The following SMURF2 variants were observed in gnomAD, a reference collection of about 807,000 sequenced individuals.
SMURF2 encodes SMAD specific E3 ubiquitin protein ligase 2, also known as E3 ubiquitin-protein ligase SMURF2.
In SMURF2, 48 loss-of-function variants were observed where a neutral mutation model predicts 109.6. The ratio of observed to expected loss-of-function variants is 0.44; its 90% CI spans 0.35 to 0.56. The LOEUF is 0.56. SMURF2 is among the 20% of genes least tolerant of loss of function. The pLI is 0.01. For synonymous variants in SMURF2, 288 were observed against 317.1 expected (o/e 0.91, Z 0.97); for missense variants, 575 against 909.0 (o/e 0.63, Z 4.72).
chr17:64,598,327 C>T (rs1201371711), intron 3 of SMURF2, 55 bp downstream of exon 3: 2 of 1,358,608 alleles, frequency 1.5e-6, no homozygotes, highest in Non-Finnish European at 1.0e-6. Flanking sequence ...TTTTCAAAGA[C>T]TATATCAAAT....
chr17:64,613,995 C>T (rs1030666030), intron 1 of SMURF2, among the ~76,000 whole-genome samples: 2 of 151,914 alleles, frequency 1.3e-5, no homozygotes, highest in African/African-American at 4.8e-5. Flanking sequence ...CAACCTAGAT[C>T]CCTCGCATGC....
At chr17:64,589,488 G>A (rs113709643) in intron 5 of SMURF2, among the ~76,000 whole-genome samples, 2 of 107,534 alleles carry the variant, frequency 1.9e-5, no homozygotes, top group African/African-American at 7.1e-5. Flanking sequence ...CCCAGGCCAT[G>A]GATGGGTGGG....
chr17:64,644,620 A>T (rs938026058), intron 1 of SMURF2, among the ~76,000 whole-genome samples: 3 of 151,248 alleles, frequency 2.0e-5, no homozygotes, highest in Non-Finnish European at 2.9e-5. Flanking sequence ...AAAAAAAAAA[A>T]ATGCTGAGTA....
chr17:64,546,399 TTAAGAA>T, intron 17 of SMURF2, 61 bp from the exon 18 acceptor site: 1 of 1,466,858 alleles, frequency 6.8e-7, no homozygotes, highest in Non-Finnish European at 9.5e-7. Flanking sequence ...CTCCAAAATC[TTAAGAA>T]TAAAACTGGT....
chr17:64,598,507 T>C lies in SMURF2; in HGVS notation c.92-17A>G, dbSNP rs1446747587. On this transcript the variant is annotated splice_polypyrimidine_tract_variant and intron_variant, in intron 2 of 18. Coordinates refer to ENST00000262435, the MANE Select transcript of SMURF2 (RefSeq NM_022739.4). ...CAGGAAGTCCTGTGAAAAAAGATTT[T>C]CTAAAATTAATAATTTGACATTTAA... 6.3e-7 allele frequency: 1 copy of C among 1,575,508 alleles called. No individual in the cohort carries two copies. Among genetic ancestry groups the C allele is most frequent in the Non-Finnish European group, 8.6e-7 (1 of 1,159,534 alleles).
At chr17:64,633,115 C>T (rs1970371491) in intron 1 of SMURF2, among the ~76,000 whole-genome samples, 2 of 152,078 alleles carry the variant, frequency 1.3e-5, no homozygotes, top group African/African-American at 4.8e-5. Context: ...TATAAAAACA[C>T]AAAAATTAGC....
At chr17:64,561,465 A>T in intron 12 of SMURF2, 35 bp downstream of exon 12, 1 of 1,391,332 alleles carries the variant, frequency 7.2e-7, no homozygotes, top group Non-Finnish European at 1.0e-6. Context: ...AAGTACAAAG[A>T]TCCATATGTC....
rs1437321666 is a variant in SMURF2, at chr17:64,619,497, AAAAAAAG to A, written c.53-12864_53-12858del. ...TTGTCTCAAAAAAAAAAAAAAAAAA[AAAAAAAG>A]AAGAAGAATATAATTTGGCAAGACG... is the stretch of plus-strand genomic sequence containing the variant. On this transcript the variant is annotated intron_variant, in intron 1 of 18. Coordinates refer to ENST00000262435, the MANE Select transcript of SMURF2 (RefSeq NM_022739.4). Among the ~76,000 whole-genome samples the A allele has an allele frequency of 2.6e-5, 4 of 151,302 alleles. No homozygotes were observed. In the South Asian group the frequency reaches 8.3e-4, roughly 31 times the overall value.
At chr17:64,573,127 A>AGGAGGAGGAGGAGGAGGAGGAGGAGGG (rs1969423683) in intron 9 of SMURF2, 1 of 15,134 alleles carries the variant, frequency 6.6e-5, no homozygotes, top group Non-Finnish European at 1.0e-4. Context: ...TAAAAAAAAG[A>AGGAGGAGGAGGAGGAGGAGGAGGAGGG]GGAGGAGGAG....
At position 64,563,108 on chromosome 17, in the gene SMURF2, A is replaced by AT. The variant is rs1969248739; in HGVS notation, c.1017-143dup. The AT allele has an allele frequency of 7.5e-6, 5 of 671,096 alleles. No individual in the cohort carries two copies. The South Asian group carries it at 1.4e-4, about 18-fold the overall frequency. The allele number at this position is 671,096 out of a possible 1,614,324, so 41.6% of individuals were successfully genotyped here. ...TAGTAGAACATATACTTGGCTTGACATTTTTTGGCAGCAATAAACCAGCTA... is the reference window on the plus strand; with the variant it reads ...TAGTAGAACATATACTTGGCTTGACATTTTTTTGGCAGCAATAAACCAGCTA... On this transcript the variant is annotated intron_variant, in intron 10 of 18. Coordinates refer to ENST00000262435, the MANE Select transcript of SMURF2 (RefSeq NM_022739.4).
rs2144747103 is a variant in SMURF2, at chr17:64,662,127, G to C, written c.-247C>G. 18 of 1,033,940 alleles carry C rather than the reference G, an allele frequency of 1.7e-5. No homozygotes were observed. The highest frequency in any genetic ancestry group is 2.0e-5 in the Non-Finnish European group (17 of 860,906). The allele number at this position is 1,033,940 out of a possible 1,614,324, so 64.0% of individuals were successfully genotyped here. A position where few individuals can be genotyped will look rare whatever the true frequency, so the allele number is the denominator to read the frequency against. On this transcript the variant is annotated 5_prime_UTR_variant, in exon 1 of 19. Transcript: ENST00000262435. ...GCACAACAAAGCGGCAGCCGCGGCC[G>C]CCCGCGCCGCCTCCGCCCGCGCCCC...
At chr17:64,633,464 C>T (rs913789435) in intron 1 of SMURF2, among the ~76,000 whole-genome samples, 1 of 152,106 alleles carries the variant, frequency 6.6e-6, no homozygotes, top group Non-Finnish European at 1.5e-5. Flanking sequence ...TCATTCCATC[C>T]CAGGTGAAAA....
chr17:64,547,936 T>C lies in SMURF2; in HGVS notation c.1870-135A>G, dbSNP rs1216876243. 8.5e-6 allele frequency: 6 copies of C among 706,222 alleles called. No homozygotes were observed. The Admixed American group carries it at 1.6e-4, about 19-fold the overall frequency. 43.7% of individuals were successfully genotyped at this position (706,222 alleles called of 1,614,324 possible). ...ATTAAAGATGCACATCAGAATCATC[T>C]GAAAAGCTTTTCAAATTGACATTCC... On this transcript the variant is annotated intron_variant, in intron 16 of 18. Coordinates refer to ENST00000262435, the MANE Select transcript of SMURF2 (RefSeq NM_022739.4). This position sits in a 1 kb window ranked among gnomAD's most constrained non-coding sequence, Gnocchi z 4.2.
rs1400084033 is a variant in SMURF2 at position 64,547,470 on chromosome 17, G to T, written c.2071+130C>A. The T allele has an allele frequency of 1.3e-5, 10 of 748,088 alleles. No homozygotes were observed. Among genetic ancestry groups the T allele is most frequent in the Admixed American group, 2.5e-5 (1 of 40,286 alleles). The allele number at this position is 748,088 out of a possible 1,614,324, so 46.3% of individuals were successfully genotyped here. Reference sequence around the variant, plus strand: ...AGGAGGGAGAAGAAGGTATCACAATGTGAGAGTCACAGATAAGAAGTGAAA... The same window carrying T: ...AGGAGGGAGAAGAAGGTATCACAATTTGAGAGTCACAGATAAGAAGTGAAA... On this transcript the variant is annotated intron_variant, in intron 17 of 18. Coordinates refer to ENST00000262435, the MANE Select transcript of SMURF2 (RefSeq NM_022739.4). This position sits in a 1 kb window ranked among gnomAD's most constrained non-coding sequence, Gnocchi z 4.2.
At chr17:64,552,479 AG>A (rs1969059269) in intron 15 of SMURF2, among the ~76,000 whole-genome samples, 1 of 152,176 alleles carries the variant, frequency 6.6e-6, no homozygotes, top group Non-Finnish European at 1.5e-5. Context: ...TATCCTTTGG[AG>A]GACCGTATTT....
In SMURF2 at chr17:64,587,824, G is replaced by A. The variant is rs73333945; in HGVS notation, c.401-1654C>T. Among the ~76,000 whole-genome samples, 329 of 152,166 alleles carry A rather than the reference G, an allele frequency of 2.2e-3. 1 individual carries two copies. The highest frequency in any genetic ancestry group is 7.5e-3 in the African/African-American group (310 of 41,518). ...TAAATAGATAAAACAAGTGAAATGCGTACCAAAATACAATCATAGTAGAAA... is the reference window on the plus strand; with the variant it reads ...TAAATAGATAAAACAAGTGAAATGCATACCAAAATACAATCATAGTAGAAA... On this transcript the variant is annotated intron_variant, in intron 5 of 18. Coordinates refer to ENST00000262435, the MANE Select transcript of SMURF2 (RefSeq NM_022739.4).
In SMURF2 at chr17:64,580,946, A is replaced by G. The variant is rs370146927; in HGVS notation, c.615T>C (p.Phe205=). 3.7e-6 allele frequency: 6 copies of G among 1,614,190 alleles called. No individual in the cohort carries two copies. The highest frequency in any genetic ancestry group is 5.1e-6 in the Non-Finnish European group (6 of 1,180,016). The part of the protein sequence containing the change: ...YSSPGRPLSC[F]VDENTPISGT... ...CACTAATTGGAGTGTTCTCATCAACAAAGCAGCTAAGAGGTCTGCCAGGGC... is the reference window on the plus strand; with the variant it reads ...CACTAATTGGAGTGTTCTCATCAACGAAGCAGCTAAGAGGTCTGCCAGGGC... The change falls in exon 8 of 19, where the codon TTT becomes TTC. Residue 205 remains phenylalanine (F), a synonymous_variant. Coordinates refer to ENST00000262435, the MANE Select transcript of SMURF2 (RefSeq NM_022739.4).
rs782100605 is a variant in SMURF2 at position 64,542,458 on chromosome 17, TAAATAC to T, written c.*3384_*3389del. 1 of 152,126 alleles carries T rather than the reference TAAATAC, an allele frequency of 6.6e-6. No individual in the cohort carries two copies. Among genetic ancestry groups the T allele is most frequent in the Non-Finnish European group, 1.5e-5 (1 of 68,008 alleles). 9.4% of individuals were successfully genotyped at this position (152,126 alleles called of 1,614,324 possible). On this transcript the variant is annotated 3_prime_UTR_variant, in exon 19 of 19. Transcript: ENST00000262435. ...ATATCAAAGCTAAAACACTCTGTAA[TAAATAC>T]AAATACAATGAAAATGATAAAACTT...
chr17:64,566,397 T>G (rs1434840181), intron 10 of SMURF2, among the ~76,000 whole-genome samples: 3 of 151,634 alleles, frequency 2.0e-5, no homozygotes, highest in Non-Finnish European at 1.5e-5. Flanking sequence ...CAAATAATTT[T>G]TATATATTTT....
Sources: gnomAD v4.1 joint callset for allele counts (sites outside exome capture counted in the v4.1 genomes callset) on GRCh38, gnomAD v4.1.1 for gene constraint, Gnocchi (gnomAD v3.1) non-coding constraint, MANE v1.5 for transcripts, NCBI Gene and HGNC (gene_info 2026-07-23, HGNC 2026-07-21) for gene names.